PCNX1: variants seen among roughly 807,000 people sequenced by gnomAD.
PCNX1 encodes pecanex-like protein 1.
In PCNX1, 78 loss-of-function variants were observed where a neutral mutation model predicts 242.2. The observed-to-expected ratio is 0.32, with a 90% confidence interval of 0.27 to 0.39. The LOEUF is 0.39. Among genes scored for constraint, PCNX1 ranks in the 10% least tolerant of loss-of-function variants. The probability of loss-of-function intolerance (pLI) is 1.00; values close to 1 mark genes in which losing one functional copy is unlikely to be tolerated. For synonymous variants in PCNX1, 1,024 were observed against 1,032.9 expected (o/e 0.99, Z 0.17); for missense variants, 2,581 against 2,856.5 (o/e 0.90, Z 2.20).
Position 71,036,206 on chromosome 14 carries a change from TCTCA to T in PCNX1, c.3867+53_3867+56del, listed in dbSNP as rs1041423462. 3.4e-6 allele frequency: 4 copies of T among 1,175,982 alleles called. No homozygotes were observed. In the African/African-American group the frequency reaches 6.1e-5, roughly 18 times the overall value. 72.8% of individuals were successfully genotyped at this position (1,175,982 alleles called of 1,614,324 possible). A position where few individuals can be genotyped will look rare whatever the true frequency, so the allele number is the denominator to read the frequency against. ...ATTTGTTTGTTTGTTTGAGACAGGG[TCTCA>T]CTCTGTCACCCAGGCTGGAGTGCAG... On this transcript the variant is annotated intron_variant, in intron 19 of 35. Transcript: ENST00000304743.
intron 1 of PCNX1, among the ~76,000 whole-genome samples, chr14:70,942,704 C>T (rs887665940): frequency 6.6e-6 from 1 of 152,194 alleles, no homozygotes; most frequent in African/African-American, 2.4e-5. Flanking sequence ...CAGAAACCTC[C>T]ATGTGTTAGG....
At position 70,926,617 on chromosome 14, in the gene PCNX1, C is replaced by T. The variant is rs2056601717; in HGVS notation, c.153+18614C>T. 2.0e-5 allele frequency among the ~76,000 whole-genome samples: 3 copies of T among 152,050 alleles called. No individual in the cohort carries two copies. In the South Asian group the frequency reaches 6.2e-4, roughly 32 times the overall value. On this transcript the variant is annotated intron_variant, in intron 1 of 35. Coordinates refer to ENST00000304743, the MANE Select transcript of PCNX1 (RefSeq NM_014982.3). ...ACCTCCTATAATGCACATGACAGCG[C>T]CCCACACCAAAGGATTGTCTGGCTT...
chr14:70,930,130 T>A (rs188563893), intron 1 of PCNX1, among the ~76,000 whole-genome samples: 49 of 152,126 alleles, frequency 3.2e-4, no homozygotes, highest in Admixed American at 1.7e-3. Flanking sequence ...TGTGTATGTG[T>A]GTATGTGTTT....
At chr14:70,949,111 C>T (rs180842671) in intron 2 of PCNX1, among the ~76,000 whole-genome samples, 487 of 136,836 alleles carry the variant, frequency 3.6e-3, no homozygotes, top group Non-Finnish European at 6.5e-3. Flanking sequence ...CATGTATATA[C>T]GTATATGTGT....
At chr14:71,010,713 T>A (rs1365778600) in intron 9 of PCNX1, among the ~76,000 whole-genome samples, 1 of 152,118 alleles carries the variant, frequency 6.6e-6, no homozygotes, top group Admixed American at 6.5e-5. Flanking sequence ...CCTCAAGAGT[T>A]ACTGATTCTT....
At position 70,977,102 on chromosome 14, in the gene PCNX1, G is replaced by C; in HGVS notation, c.765G>C (p.Leu255=). The C allele has an allele frequency of 6.2e-7, 1 of 1,614,140 alleles. No homozygotes were observed. The highest frequency in any genetic ancestry group is 8.5e-7 in the Non-Finnish European group (1 of 1,180,024). The stretch of plus-strand genomic sequence containing the variant: ...ACCACCACCATGTTGATCAGTCTCT[G>C]TCCAGCGCCTGTGACACAGAAGTAG... ...HNHHHHVDQS[L]SSACDTEVAS... is the part of the protein sequence containing the mutation. Residue 255 remains leucine (L), a synonymous_variant, in exon 6 of 36, where the codon CTG becomes CTC. Coordinates refer to ENST00000304743, the MANE Select transcript of PCNX1 (RefSeq NM_014982.3).
chr14:71,031,729 G>A, intron 16 of PCNX1: 1 of 1,094,564 alleles, frequency 9.1e-7, no homozygotes, highest in East Asian at 2.4e-5. Context: ...GAACTCTGAT[G>A]TTTTCTCTCT....
At position 71,082,925 on chromosome 14, in the gene PCNX1, C is replaced by T. The variant is rs1030060549; in HGVS notation, c.5338-5405C>T. ...TGGTTATTTTGCCCATTAGTTGATG[C>T]AGTTTCTTCATAGTGTCAGTGGTCT... On this transcript the variant is annotated intron_variant, in intron 28 of 35. Coordinates refer to ENST00000304743, the MANE Select transcript of PCNX1 (RefSeq NM_014982.3). Among the ~76,000 whole-genome samples the T allele has an allele frequency of 4.6e-5, 7 of 152,126 alleles. No homozygotes were observed. The East Asian group carries it at 1.3e-3, about 29-fold the overall frequency.
At position 71,034,051 on chromosome 14, in the gene PCNX1, T is replaced by G. The variant is rs1053142262; in HGVS notation, c.3774+15T>G. ...GAAATTCTGTTGTAAGTTTTAACAT[T>G]TAGAATCACCTAAAAGACTTAAATC... On this transcript the variant is annotated intron_variant, in intron 18 of 35. Coordinates refer to ENST00000304743, the MANE Select transcript of PCNX1 (RefSeq NM_014982.3). 2 of 1,376,286 alleles carry G rather than the reference T, an allele frequency of 1.5e-6. No homozygotes were observed. The highest frequency in any genetic ancestry group is 2.1e-6 in the Non-Finnish European group (2 of 969,604). The allele number at this position is 1,376,286 out of a possible 1,614,324, so 85.3% of individuals were successfully genotyped here.
At position 70,977,660 on chromosome 14, in the gene PCNX1, T is replaced by C. The variant is rs778015297; in HGVS notation, c.1323T>C (p.Asn441=). 1 of 1,613,914 alleles carries C rather than the reference T, an allele frequency of 6.2e-7. No individual in the cohort carries two copies. The part of the protein sequence containing the change: ...KECCAGPEEK[N]SCASDKRTSS... Reference sequence around the variant, plus strand: ...GCTGTGCAGGCCCAGAGGAGAAGAATAGCTGTGCCAGTGACAAAAGGACTA... The same window carrying C: ...GCTGTGCAGGCCCAGAGGAGAAGAACAGCTGTGCCAGTGACAAAAGGACTA... Residue 441 remains asparagine, a synonymous_variant, in exon 6 of 36, where the codon AAT becomes AAC. Transcript: ENST00000304743.
chr14:71,008,642 C>T (rs947540392), intron 8 of PCNX1, among the ~76,000 whole-genome samples: 7 of 115,246 alleles, frequency 6.1e-5, no homozygotes, highest in East Asian at 2.5e-4. Context: ...GGTGACAGAG[C>T]GAGACTCTGT....
intron 22 of PCNX1, 65 bp downstream of exon 22, chr14:71,048,049 C>A: frequency 8.8e-7 from 1 of 1,139,588 alleles, no homozygotes; most frequent in Non-Finnish European, 1.2e-6. Context: ...ATATGCTAGT[C>A]AGAATTTTTC....
At chr14:70,923,239 A>G (rs1373383521) in intron 1 of PCNX1, among the ~76,000 whole-genome samples, 10 of 152,068 alleles carry the variant, frequency 6.6e-5, no homozygotes, top group Admixed American at 5.2e-4. Context: ...CCCTATTTTT[A>G]TTATATAACC....
chr14:71,075,859 A>T (rs1445282234), intron 27 of PCNX1, among the ~76,000 whole-genome samples: 3 of 152,090 alleles, frequency 2.0e-5, no homozygotes, highest in African/African-American at 7.2e-5. Flanking sequence ...GCACTCTAGC[A>T]TGGGCGACAG....
intron 2 of PCNX1, among the ~76,000 whole-genome samples, chr14:70,958,568 CTG>C (rs751080547): frequency 2.4e-4 from 37 of 152,198 alleles, no homozygotes; most frequent in Non-Finnish European, 4.3e-4. Context: ...TCGCCAGTCT[CTG>C]TTCTTTTCTA....
In PCNX1 at chr14:71,051,885, T is replaced by G. The variant is rs748982248; in HGVS notation, c.4450T>G (p.Ser1484Ala). 2 of 1,611,456 alleles carry G rather than the reference T, an allele frequency of 1.2e-6. No homozygotes were observed. The highest frequency in any genetic ancestry group is 1.7e-6 in the Non-Finnish European group (2 of 1,179,172). The change falls in exon 24 of 36, where the codon TCA becomes GCA. Residue 1484 changes from serine to alanine, a missense_variant and splice_region_variant. Transcript: ENST00000304743. ...GTCCTTAACTAGTTTTCCCATAGAT[T>G]CAGCCATGCTGTTTATTCAGGCTGC... The part of the protein sequence containing the change: ...AFAQPFAVPH[S>A]AMLFIQAAVS...
chr14:70,976,424 G>C (rs2058691368), intron 5 of PCNX1, among the ~76,000 whole-genome samples: 1 of 147,376 alleles, frequency 6.8e-6, no homozygotes, highest in African/African-American at 2.5e-5. Flanking sequence ...CCAGGCTGGA[G>C]TGCAGTGGTA....
chr14:71,065,534 G>T (rs1272520043), intron 26 of PCNX1, among the ~76,000 whole-genome samples: 1 of 152,072 alleles, frequency 6.6e-6, no homozygotes, highest in African/African-American at 2.4e-5. Context: ...TTGTCAGATG[G>T]ATAGATTGCA....
intron 1 of PCNX1, among the ~76,000 whole-genome samples, chr14:70,935,468 A>G (rs1418242392): frequency 1.3e-5 from 2 of 152,236 alleles, no homozygotes; most frequent in African/African-American, 2.4e-5. Flanking sequence ...TGCTCTTAGC[A>G]ATATAATAGT....
Sources: gnomAD v4.1 joint callset for allele counts (sites outside exome capture counted in the v4.1 genomes callset) on GRCh38, gnomAD v4.1.1 for gene constraint, MANE v1.5 for transcripts, NCBI Gene and HGNC (gene_info 2026-07-23, HGNC 2026-07-21) for gene names.